The following CACNA2D1 variants were observed in gnomAD, a reference collection of about 807,000 sequenced individuals.
CACNA2D1 encodes calcium voltage-gated channel auxiliary subunit alpha2delta 1.
A neutral mutation model predicts 171.5 loss-of-function variants in CACNA2D1; 53 were observed. That is an observed-to-expected ratio of 0.31 (90% CI 0.25 to 0.39). The LOEUF (loss-of-function observed/expected upper bound fraction) is 0.39, where lower values mean the gene tolerates loss of function less well. Ranked by LOEUF, CACNA2D1 falls within the 10% of genes least tolerant of loss-of-function variation. The pLI is 1.00. For missense variants in CACNA2D1, 903 were observed against 1,299.8 expected, an observed-to-expected ratio of 0.69 and a Z score of 4.69; for synonymous variants, 442 against 443.1, an observed-to-expected ratio of 1.00 and a Z score of 0.03.
chr7:82,062,405 G>A (rs1182940992), intron 9 of CACNA2D1, among the ~76,000 whole-genome samples: 1 of 152,056 alleles, frequency 6.6e-6, no homozygotes, highest in Non-Finnish European at 1.5e-5. Flanking sequence ...GAAAATATGA[G>A]CCATGAGGAT....
At chr7:82,306,963 C>T (rs1813816171) in intron 3 of CACNA2D1, among the ~76,000 whole-genome samples, 1 of 151,602 alleles carries the variant, frequency 6.6e-6, no homozygotes, top group Admixed American at 6.6e-5. Context: ...AATTAAAATC[C>T]TTTGTGTTCT....
At chr7:82,091,258 A>C (rs1456663296) in intron 6 of CACNA2D1, among the ~76,000 whole-genome samples, 1 of 152,208 alleles carries the variant, frequency 6.6e-6, no homozygotes, top group African/African-American at 2.4e-5. Context: ...CTCGGGCACC[A>C]GAATCCACCT....
intron 10 of CACNA2D1, among the ~76,000 whole-genome samples, chr7:82,060,167 TATATATATATAA>T (rs1806505671): frequency 7.9e-5 from 1 of 12,634 alleles, no homozygotes; most frequent in Non-Finnish European, 2.1e-4. Flanking sequence ...ATATATATAA[TATATATATATAA>T]TATATATATA....
intron 33 of CACNA2D1, 33 bp downstream of exon 33, chr7:81,964,173 CT>C (rs1366448698): frequency 1.9e-6 from 3 of 1,612,140 alleles, no homozygotes; most frequent in Non-Finnish European, 8.5e-7. Context: ...TTGAGTACCC[CT>C]TGAGAATTGA....
intron 3 of CACNA2D1, among the ~76,000 whole-genome samples, chr7:82,253,642 T>C (rs957923955): frequency 3.3e-5 from 5 of 152,268 alleles, no homozygotes; most frequent in Admixed American, 1.3e-4. Flanking sequence ...TGATCTTTCA[T>C]GTTAAATTCT....
intron 16 of CACNA2D1, among the ~76,000 whole-genome samples, chr7:82,007,309 CAT>C (rs1047098049): frequency 4.5e-4 from 68 of 152,256 alleles, no homozygotes; most frequent in African/African-American, 1.6e-3. Flanking sequence ...CTGATACAAA[CAT>C]CGCCATGCTT....
At chr7:82,095,604 G>A (rs73706225) in intron 6 of CACNA2D1, among the ~76,000 whole-genome samples, 2,723 of 152,212 alleles carry the variant, frequency 0.018, 75 homozygotes, top group African/African-American at 0.06. Flanking sequence ...TATACTTAAC[G>A]TATAACAGGC....
At chr7:82,087,701 A>G (rs1355887832) in intron 6 of CACNA2D1, among the ~76,000 whole-genome samples, 6 of 152,220 alleles carry the variant, frequency 3.9e-5, no homozygotes, top group South Asian at 2.1e-4. Context: ...ATAAACCTAT[A>G]TTACTCTGGT....
At chr7:82,334,497 T>C (rs776724568) in intron 3 of CACNA2D1, among the ~76,000 whole-genome samples, 7 of 152,108 alleles carry the variant, frequency 4.6e-5, no homozygotes, top group African/African-American at 9.7e-5. Context: ...TTTAACTGAA[T>C]AAAATGAATT....
chr7:82,341,082 T>C (rs1370802680), intron 2 of CACNA2D1, among the ~76,000 whole-genome samples: 1 of 152,204 alleles, frequency 6.6e-6, no homozygotes, highest in Non-Finnish European at 1.5e-5. Flanking sequence ...CATTTTTTTT[T>C]CCTTTATTAA....
chr7:82,212,393 T>C (rs959225131), intron 3 of CACNA2D1, among the ~76,000 whole-genome samples: 2 of 152,236 alleles, frequency 1.3e-5, no homozygotes, highest in Non-Finnish European at 2.9e-5. Flanking sequence ...AATTGATGCA[T>C]TGAATTTTAT....
intron 3 of CACNA2D1, among the ~76,000 whole-genome samples, chr7:82,221,384 G>A (rs1157351642): frequency 1.3e-5 from 2 of 152,042 alleles, no homozygotes; most frequent in African/African-American, 2.4e-5. Context: ...TTACACATAA[G>A]ACTCACTCCA....
At chr7:82,378,055 C>A (rs976496158) in intron 1 of CACNA2D1, among the ~76,000 whole-genome samples, 2 of 152,098 alleles carry the variant, frequency 1.3e-5, no homozygotes, top group African/African-American at 4.8e-5. Context: ...CATTACCTTT[C>A]TCTTAGGAAT....
intron 4 of CACNA2D1, among the ~76,000 whole-genome samples, chr7:82,169,990 A>G (rs796648151): frequency 6.6e-6 from 1 of 152,066 alleles, no homozygotes; most frequent in Non-Finnish European, 1.5e-5. Flanking sequence ...ATTAAGAAAA[A>G]AAAAACATGC....
At chr7:81,971,932 T>C (rs916890447) in intron 25 of CACNA2D1, 68 bp from the exon 26 acceptor site, 64 of 1,011,412 alleles carry the variant, frequency 6.3e-5, no homozygotes, top group Non-Finnish European at 9.4e-5. Context: ...AAAAATATAT[T>C]TTCTATTTCC....
chr7:82,177,230 T>C (rs909240851), intron 3 of CACNA2D1, among the ~76,000 whole-genome samples: 3 of 151,984 alleles, frequency 2.0e-5, no homozygotes, highest in African/African-American at 7.2e-5. Context: ...AAAAAAGTAT[T>C]ACAAATCACC....
At chr7:82,397,378 T>A (rs1408126441) in intron 1 of CACNA2D1, among the ~76,000 whole-genome samples, 1 of 152,202 alleles carries the variant, frequency 6.6e-6, no homozygotes, top group Non-Finnish European at 1.5e-5. Flanking sequence ...AGTCTTCTCT[T>A]AGCTCTTTAT....
chr7:82,028,789 G>A (rs1802281951), intron 12 of CACNA2D1: 1 of 151,828 alleles, frequency 6.6e-6, no homozygotes. Flanking sequence ...AAGATGGGCT[G>A]AATTGCTACA....
rs540490699 is a variant in CACNA2D1, at chr7:82,207,342, G to A, written c.295-36733C>T. 9.9e-5 allele frequency among the ~76,000 whole-genome samples: 15 copies of A among 152,256 alleles called. 1 individual carries two copies. The South Asian group carries it at 2.9e-3, about 29-fold the overall frequency. On this transcript the variant is annotated intron_variant, in intron 3 of 38. Coordinates refer to ENST00000356860, the MANE Select transcript of CACNA2D1 (RefSeq NM_000722.4). ...TCTCTATGCCTCAGTTCATGCTTCT[G>A]TAATATGTCTTTTTCTTAGCAATTG...
Sources: allele counts gnomAD v4.1 joint callset (sites outside exome capture counted in the v4.1 genomes callset), GRCh38; gene constraint gnomAD v4.1.1; transcripts MANE v1.5; gene names NCBI Gene and HGNC (gene_info 2026-07-23, HGNC 2026-07-21).